Variants in PLXNA4 observed in about 807,000 individuals in gnomAD.
PLXNA4 encodes the protein plexin A4.
A neutral mutation model predicts 191.8 loss-of-function variants in PLXNA4; 44 were observed. The ratio of observed to expected loss-of-function variants is 0.23; its 90% CI spans 0.18 to 0.29. The LOEUF (loss-of-function observed/expected upper bound fraction) is 0.29, where lower values mean the gene tolerates loss of function less well. Among genes scored for constraint, PLXNA4 ranks in the 10% least tolerant of loss-of-function variants. The pLI is 1.00. For missense variants in PLXNA4, 1,800 were observed against 2,488.8 expected (o/e 0.72, Z 5.89); for synonymous variants, 1,082 against 1,009.5 (o/e 1.07, Z -1.36).
At chr7:132,145,348 T>TA in intron 28 of PLXNA4, 60 bp from the exon 29 acceptor site, 1 of 1,604,252 alleles carries the variant, frequency 6.2e-7, no homozygotes, top group Non-Finnish European at 8.5e-7. Flanking sequence ...GGATGGCTTT[T>TA]AAAACCTGCC....
At chr7:132,178,610 G>A (rs759717836) in intron 20 of PLXNA4, among the ~76,000 whole-genome samples, 2 of 152,200 alleles carry the variant, frequency 1.3e-5, no homozygotes, top group Non-Finnish European at 2.9e-5. Flanking sequence ...AGGGACTATA[G>A]AGTGAGAGGC....
chr7:132,360,668 A>T lies in PLXNA4; in HGVS notation c.1372-62446T>A, dbSNP rs562927503. On this transcript the variant is annotated intron_variant, in intron 3 of 31. Coordinates refer to ENST00000321063, the MANE Select transcript of PLXNA4 (RefSeq NM_020911.2). ...TGGAAGAAGAGGCCCCAAACCCCCC[A>T]TAGAGTTGTTGCAGGTGGCCAGTGC... Among the ~76,000 whole-genome samples, 8 of 152,286 alleles carry T rather than the reference A, an allele frequency of 5.3e-5. No individual in the cohort carries two copies. In the East Asian group the frequency reaches 1.4e-3, roughly 26 times the overall value.
chr7:132,548,016 G>A (rs921239304), intron 1 of PLXNA4, among the ~76,000 whole-genome samples: 5 of 152,240 alleles, frequency 3.3e-5, no homozygotes, highest in African/African-American at 7.2e-5. Context: ...TGAACAAAAC[G>A]TGAAACCGAA....
At chr7:132,647,671 T>A (rs1803903712) in intron 1 of PLXNA4, among the ~76,000 whole-genome samples, 1 of 150,964 alleles carries the variant, frequency 6.6e-6, no homozygotes, top group Non-Finnish European at 1.5e-5. Context: ...ATACACACAG[T>A]CACACATATA....
chr7:132,586,254 A>G lies in PLXNA4; in HGVS notation c.-87+59674T>C, dbSNP rs565471911. ...TGACTTGGATAAAGATAGAGGAGAC[A>G]TGGTCATCAGATTTGTCTATGATTG... On this transcript the variant is annotated intron_variant, in intron 2 of 4. Transcript: ENST00000378539. Among the ~76,000 whole-genome samples the G allele has an allele frequency of 1.4e-3, 207 of 152,350 alleles. 2 individuals are homozygous for G. Among genetic ancestry groups the G allele is most frequent in the Middle Eastern group, 0.01 (3 of 294 alleles).
chr7:132,329,983 T>G (rs990272642), intron 3 of PLXNA4, among the ~76,000 whole-genome samples: 2 of 152,160 alleles, frequency 1.3e-5, no homozygotes, highest in Non-Finnish European at 2.9e-5. Flanking sequence ...AGACCTTAAC[T>G]CTTTAGAAGC....
At chr7:132,296,277 A>C (rs1035755381) in intron 4 of PLXNA4, among the ~76,000 whole-genome samples, 2 of 152,178 alleles carry the variant, frequency 1.3e-5, no homozygotes, top group African/African-American at 4.8e-5. Flanking sequence ...GACAGTGACC[A>C]CATTACCCAT....
At chr7:132,286,844 C>T (rs2116434140) in intron 4 of PLXNA4, among the ~76,000 whole-genome samples, 2 of 152,326 alleles carry the variant, frequency 1.3e-5, no homozygotes, top group Non-Finnish European at 2.9e-5. Flanking sequence ...AGACCACAGC[C>T]TCCTGGGCCC....
chr7:132,197,580 G>A (rs62469723), intron 13 of PLXNA4, among the ~76,000 whole-genome samples: 6,758 of 152,178 alleles, frequency 0.044, 217 homozygotes, highest in Non-Finnish European at 0.069. Flanking sequence ...AAGATCTTTT[G>A]GTAACTAAGT....
At chr7:132,260,473 A>G (rs1049302934) in intron 4 of PLXNA4, among the ~76,000 whole-genome samples, 1 of 152,190 alleles carries the variant, frequency 6.6e-6, no homozygotes, top group African/African-American at 2.4e-5. Context: ...ACATGGGAAC[A>G]TAAAGATAAA....
chr7:132,218,152 C>T (rs1355732800), intron 9 of PLXNA4, among the ~76,000 whole-genome samples: 4 of 152,240 alleles, frequency 2.6e-5, no homozygotes, highest in South Asian at 2.1e-4. Flanking sequence ...AGGACTTTCT[C>T]GGCCTTGCCG....
chr7:132,169,552 G>C (rs754113931), intron 21 of PLXNA4, among the ~76,000 whole-genome samples: 3 of 152,220 alleles, frequency 2.0e-5, no homozygotes, highest in Non-Finnish European at 4.4e-5. Flanking sequence ...AACAGGATGG[G>C]TCCTGCAAAT....
At chr7:132,269,481 A>G (rs978601963) in intron 4 of PLXNA4, among the ~76,000 whole-genome samples, 2 of 151,880 alleles carry the variant, frequency 1.3e-5, no homozygotes, top group Admixed American at 6.6e-5. Flanking sequence ...TGATGCCTAG[A>G]GTGGCATGGG....
chr7:132,489,974 A>G (rs1245671360), intron 2 of PLXNA4, among the ~76,000 whole-genome samples: 2 of 152,260 alleles, frequency 1.3e-5, no homozygotes, highest in Non-Finnish European at 2.9e-5. Flanking sequence ...AGACACACAC[A>G]TGAGGACTCA....
intron 5 of PLXNA4, among the ~76,000 whole-genome samples, chr7:132,239,128 T>C (rs534954612): frequency 5.8e-4 from 88 of 152,334 alleles, no homozygotes; most frequent in Middle Eastern, 6.8e-3. Context: ...CTTCATGAAC[T>C]GCCCAGACTT....
At chr7:132,178,845 T>C (rs200584962) in intron 20 of PLXNA4, among the ~76,000 whole-genome samples, 6,546 of 83,066 alleles carry the variant, frequency 0.079, 812 homozygotes, top group South Asian at 0.22. Flanking sequence ...TACACATATA[T>C]ACACACACAC....
At chr7:132,312,947 G>A (rs575548964) in intron 3 of PLXNA4, among the ~76,000 whole-genome samples, 29 of 152,288 alleles carry the variant, frequency 1.9e-4, no homozygotes, top group African/African-American at 5.3e-4. Flanking sequence ...GCACAGCTAC[G>A]TCATTGGCAA....
chr7:132,181,324 C>T lies in PLXNA4; in HGVS notation c.3492+57G>A, dbSNP rs3734987. Reference sequence around the variant, plus strand: ...CAGGAGTCTGTGACTTGAACACCCCCTTCCATGCAGCAGCCCCTTCTTTTC... The same window carrying T: ...CAGGAGTCTGTGACTTGAACACCCCTTTCCATGCAGCAGCCCCTTCTTTTC... On this transcript the variant is annotated intron_variant, in intron 18 of 31. Transcript: ENST00000321063. 29,692 of 1,604,122 alleles carry T rather than the reference C, an allele frequency of 0.019. 2,135 individuals are homozygous for T. The Admixed American group carries it at 0.19, about 10-fold the overall frequency.
At chr7:132,147,415 G>A (rs1416106251) in intron 27 of PLXNA4, among the ~76,000 whole-genome samples, 1 of 152,088 alleles carries the variant, frequency 6.6e-6, no homozygotes, top group African/African-American at 2.4e-5. Flanking sequence ...CACAGATAGG[G>A]CAGAACAGGG....
Sources: allele counts gnomAD v4.1 joint callset (sites outside exome capture counted in the v4.1 genomes callset), GRCh38; gene constraint gnomAD v4.1.1; transcripts MANE v1.5; gene names NCBI Gene and HGNC (gene_info 2026-07-23, HGNC 2026-07-21).